DGKI: variants seen among roughly 807,000 people sequenced by gnomAD.
DGKI encodes DAG kinase iota.
In DGKI, 55 loss-of-function variants were observed where a neutral mutation model predicts 147.5. That is an observed-to-expected ratio of 0.37 (90% confidence interval 0.30 to 0.47). DGKI has a LOEUF of 0.47. Among genes scored for constraint, DGKI ranks in the 20% least tolerant of loss-of-function variants. DGKI has a pLI of 1.00. For missense variants in DGKI, 1,007 were observed against 1,323.8 expected (o/e 0.76, Z 3.71); for synonymous variants, 469 against 477.1 (o/e 0.98, Z 0.22).
At position 137,654,808 on chromosome 7, in the gene DGKI, G is replaced by C. The variant is rs1035541807; in HGVS notation, c.682-20C>G. The C allele has an allele frequency of 1.3e-6, 2 of 1,499,750 alleles. No individual in the cohort carries two copies. Among genetic ancestry groups the C allele is most frequent in the Non-Finnish European group, 1.8e-6 (2 of 1,081,250 alleles). The allele number at this position is 1,499,750 out of a possible 1,614,324, so 92.9% of individuals were successfully genotyped here. On this transcript the variant is annotated intron_variant, in intron 4 of 32. Coordinates refer to ENST00000614521, the MANE Select transcript of DGKI (RefSeq NM_001321708.2). ...ATTAATCTGTCATTCAAAAAGAAAA[G>C]TATATTATATTAGAGATAAGCATCA...
At chr7:137,643,707 G>A (rs1821731632) in intron 6 of DGKI, among the ~76,000 whole-genome samples, 1 of 152,236 alleles carries the variant, frequency 6.6e-6, no homozygotes, top group African/African-American at 2.4e-5. Context: ...CAGCAACTCA[G>A]GGTGGAGGAA....
intron 8 of DGKI, among the ~76,000 whole-genome samples, chr7:137,617,088 T>C (rs1585290048): frequency 7.4e-6 from 1 of 135,728 alleles, no homozygotes; most frequent in Non-Finnish European, 1.5e-5. Flanking sequence ...ATCCTCTTCC[T>C]GTGATGGCAA....
At chr7:137,689,392 A>C (rs559994930) in intron 2 of DGKI, among the ~76,000 whole-genome samples, 1 of 152,322 alleles carries the variant, frequency 6.6e-6, no homozygotes, top group South Asian at 2.1e-4. Flanking sequence ...TTATGGTTAA[A>C]ATGTTAACAT....
intron 17 of DGKI, among the ~76,000 whole-genome samples, chr7:137,574,184 A>C (rs1391287462): frequency 1.3e-5 from 2 of 152,210 alleles, no homozygotes; most frequent in Non-Finnish European, 2.9e-5. Flanking sequence ...CCTAATTTTC[A>C]TGAGTATTCT....
chr7:137,784,577 A>G (rs1257897737), intron 1 of DGKI, among the ~76,000 whole-genome samples: 2 of 152,068 alleles, frequency 1.3e-5, no homozygotes, highest in Non-Finnish European at 2.9e-5. Flanking sequence ...AAGATCGAAA[A>G]TGAACAAAGA....
At chr7:137,491,187 G>A (rs1485045957) in intron 21 of DGKI, among the ~76,000 whole-genome samples, 1 of 152,176 alleles carries the variant, frequency 6.6e-6, no homozygotes, top group Non-Finnish European at 1.5e-5. Context: ...TGCCTCAGGA[G>A]CTGAGGTTAA....
At chr7:137,671,891 G>T (rs1003468443) in intron 3 of DGKI, among the ~76,000 whole-genome samples, 1 of 152,174 alleles carries the variant, frequency 6.6e-6, no homozygotes, top group African/African-American at 2.4e-5. Flanking sequence ...CAAAATACAA[G>T]AACAAAACAA....
Position 137,607,830 on chromosome 7 carries a change from C to T in DGKI, c.1167+1136G>A, listed in dbSNP as rs867648650. Among the ~76,000 whole-genome samples the T allele has an allele frequency of 2.0e-5, 3 of 152,210 alleles. No homozygotes were observed. In the South Asian group the frequency reaches 6.2e-4, roughly 31 times the overall value. On this transcript the variant is annotated intron_variant, in intron 10 of 32. Coordinates refer to ENST00000614521, the MANE Select transcript of DGKI (RefSeq NM_001321708.2). The stretch of plus-strand genomic sequence containing the variant: ...ATTGCCATCATTACTCCATAAAGAT[C>T]TCTCAGCAACTCAAAAATGCAGGAC...
At chr7:137,826,317 G>A (rs925218918) in intron 1 of DGKI, among the ~76,000 whole-genome samples, 3 of 152,164 alleles carry the variant, frequency 2.0e-5, no homozygotes, top group East Asian at 1.9e-4. Context: ...AGAATAAGCC[G>A]GCCATCGTCC....
intron 23 of DGKI, among the ~76,000 whole-genome samples, chr7:137,473,682 A>G (rs952533187): frequency 6.6e-6 from 1 of 152,180 alleles, no homozygotes; most frequent in African/African-American, 2.4e-5. Context: ...CTATTCTCCT[A>G]GGAGCAGACT....
rs77688237 is a variant in DGKI at position 137,677,592 on chromosome 7, T to C, written c.606+965A>G. Among the ~76,000 whole-genome samples the C allele has an allele frequency of 3.4e-3, 521 of 152,352 alleles. 2 individuals are homozygous for C. Among genetic ancestry groups the C allele is most frequent in the African/African-American group, 0.012 (503 of 41,580 alleles). ...GCCTGGTTAAAATCGTTGGGGGCTATACATATCCTTCTATAAGCTTTGATG... is the reference window on the plus strand; with the variant it reads ...GCCTGGTTAAAATCGTTGGGGGCTACACATATCCTTCTATAAGCTTTGATG... On this transcript the variant is annotated intron_variant, in intron 3 of 32. Transcript: ENST00000614521.
intron 1 of DGKI, among the ~76,000 whole-genome samples, chr7:137,834,020 C>A (rs187828004): frequency 1.3e-5 from 2 of 152,320 alleles, no homozygotes. Context: ...ACTTCATTAT[C>A]CTGTGCCTCA....
At chr7:137,831,312 T>G (rs1798213427) in intron 1 of DGKI, among the ~76,000 whole-genome samples, 1 of 152,222 alleles carries the variant, frequency 6.6e-6, no homozygotes, top group African/African-American at 2.4e-5. Flanking sequence ...ATGATCTGTA[T>G]TAGTCCGTTT....
intron 27 of DGKI, among the ~76,000 whole-genome samples, chr7:137,454,588 G>GA (rs1814110701): frequency 6.6e-6 from 1 of 151,944 alleles, no homozygotes. Context: ...TAGACAAAAT[G>GA]AAAAAAGAAA....
chr7:137,805,519 C>T lies in DGKI; in HGVS notation c.401+40943G>A, dbSNP rs190159342. On this transcript the variant is annotated intron_variant, in intron 1 of 32. Coordinates refer to ENST00000614521, the MANE Select transcript of DGKI (RefSeq NM_001321708.2). ...AGCCGTGGTTGGTTTCCCAAGCAGA[C>T]GTGACATAGTCATTGTGATTATCTC... 7.2e-4 allele frequency among the ~76,000 whole-genome samples: 109 copies of T among 152,250 alleles called. 1 individual carries two copies. Among genetic ancestry groups the T allele is most frequent in the Non-Finnish European group, 1.3e-3 (91 of 68,018 alleles).
chr7:137,482,203 C>T (rs1815396001), intron 23 of DGKI, among the ~76,000 whole-genome samples: 1 of 152,022 alleles, frequency 6.6e-6, no homozygotes, highest in South Asian at 2.1e-4. Context: ...CTCTCAATGG[C>T]ATTTGACACT....
chr7:137,728,288 G>T (rs896414339), intron 1 of DGKI, among the ~76,000 whole-genome samples: 2 of 152,078 alleles, frequency 1.3e-5, no homozygotes, highest in African/African-American at 4.8e-5. Context: ...GGCACAAGAG[G>T]CTCAATCAGA....
At chr7:137,663,541 C>G (rs1287322023) in intron 3 of DGKI, among the ~76,000 whole-genome samples, 1 of 152,182 alleles carries the variant, frequency 6.6e-6, no homozygotes, top group Non-Finnish European at 1.5e-5. Flanking sequence ...CACTGCGGGA[C>G]AATTCCTGGG....
chr7:137,497,840 A>C (rs577787979), intron 21 of DGKI, among the ~76,000 whole-genome samples: 11 of 152,202 alleles, frequency 7.2e-5, no homozygotes, highest in African/African-American at 2.6e-4. Flanking sequence ...ACAATCAAAA[A>C]ATTGCCTATC....
Sources: allele counts gnomAD v4.1 joint callset (sites outside exome capture counted in the v4.1 genomes callset), GRCh38; gene constraint gnomAD v4.1.1; transcripts MANE v1.5; gene names NCBI Gene and HGNC (gene_info 2026-07-23, HGNC 2026-07-21).